DNMT3B: variants seen among roughly 807,000 people sequenced by gnomAD.
DNMT3B encodes DNA (cytosine-5)-methyltransferase 3B.
Under a neutral mutation model 120.2 loss-of-function variants are expected in DNMT3B, and 37 were observed. That is an observed-to-expected ratio of 0.31 (90% CI 0.24 to 0.40). The LOEUF is 0.40. Among genes scored for constraint, DNMT3B ranks in the 10% least tolerant of loss-of-function variants. The pLI is 1.00. For missense variants in DNMT3B, 878 were observed against 1,137.3 expected (o/e 0.77, Z 3.28); for synonymous variants, 412 against 442.8 (o/e 0.93, Z 0.87).
At chr20:32,798,995 C>A (rs1435741733) in intron 15 of DNMT3B, among the ~76,000 whole-genome samples, 2 of 152,196 alleles carry the variant, frequency 1.3e-5, no homozygotes, top group Admixed American at 6.5e-5. Context: ...TGGGGTGATA[C>A]CTTTTCATGT....
Position 32,808,189 on chromosome 20 carries a change from G to A in DNMT3B, c.*286G>A. The A allele has an allele frequency of 2.1e-6, 1 of 474,642 alleles. No homozygotes were observed. Among genetic ancestry groups the A allele is most frequent in the Non-Finnish European group, 3.8e-6 (1 of 262,804 alleles). 29.4% of individuals were successfully genotyped at this position (474,642 alleles called of 1,614,324 possible). On this transcript the variant is annotated 3_prime_UTR_variant, in exon 23 of 23. Transcript: ENST00000328111. Reference sequence around the variant, plus strand: ...TAAAACTTGAAGTAGGTAGCAACGTGGCTTTTTTTTTTTCCCTTCCTGGGT... The same window carrying A: ...TAAAACTTGAAGTAGGTAGCAACGTAGCTTTTTTTTTTTCCCTTCCTGGGT...
chr20:32,797,352 G>C lies in DNMT3B; in HGVS notation c.1490+53G>C, dbSNP rs45529835. The C allele has an allele frequency of 5.8e-3, 9,007 of 1,547,872 alleles. 477 individuals carry two copies. In the African/African-American group the frequency reaches 0.11, roughly 19 times the overall value. On this transcript the variant is annotated intron_variant, in intron 14 of 22. Coordinates refer to ENST00000328111, the MANE Select transcript of DNMT3B (RefSeq NM_006892.4). ...GTGGGTGGGCCCCCAAGGCTCCTAC[G>C]TTCCTGCAGTCTGCAGACAGCTGTC...
At chr20:32,806,015 G>A (rs965501357) in intron 21 of DNMT3B, among the ~76,000 whole-genome samples, 194 bp from the exon 22 acceptor site, 1 of 151,666 alleles carries the variant, frequency 6.6e-6, no homozygotes, top group Non-Finnish European at 1.5e-5. Context: ...TCTGCTTTTC[G>A]CTCCCTGCCC....
chr20:32,786,600 G>T lies in DNMT3B; in HGVS notation c.405G>T (p.Glu135Asp). Residue 135 changes from glutamate (E) to aspartate (D), a missense_variant, in exon 5 of 23, where the codon GAG (glutamate) becomes GAT (aspartate). Glu to Asp is a conservative substitution (Grantham distance 45). Coordinates refer to ENST00000328111, the MANE Select transcript of DNMT3B (RefSeq NM_006892.4). ...GGCAGGGCCGCAACCATGTGGACGA[G>T]TCCCCCGTGGAGTTCCCGGCTACCA... is the stretch of plus-strand genomic sequence containing the variant. ...RGRQGRNHVD[E>D]SPVEFPATRS... The T allele has an allele frequency of 6.2e-7, 1 of 1,613,976 alleles. No individual in the cohort carries two copies. Among genetic ancestry groups the T allele is most frequent in the African/African-American group, 1.3e-5 (1 of 75,086 alleles).
intron 1 of DNMT3B, among the ~76,000 whole-genome samples, chr20:32,773,934 GTTTTTTTTTT>G (rs1161730284): frequency 2.9e-5 from 2 of 69,152 alleles, no homozygotes; most frequent in Middle Eastern, 0.014. Context: ...CCCGGCAGTG[GTTTTTTTTTT>G]TTTTTTTTTT....
chr20:32,794,269 A>G (rs1980341959), intron 10 of DNMT3B, among the ~76,000 whole-genome samples: 1 of 143,584 alleles, frequency 7.0e-6, no homozygotes, highest in Non-Finnish European at 1.5e-5. Context: ...ACCTGAGCCC[A>G]GGAAGTCAGG....
intron 1 of DNMT3B, among the ~76,000 whole-genome samples, chr20:32,770,898 C>T (rs1212194528): frequency 6.6e-6 from 1 of 152,168 alleles, no homozygotes; most frequent in Non-Finnish European, 1.5e-5. Context: ...AGGCATGAGC[C>T]ACCATGCCCG....
At chr20:32,776,944 G>A (rs1601064920) in intron 1 of DNMT3B, among the ~76,000 whole-genome samples, 1 of 152,078 alleles carries the variant, frequency 6.6e-6, no homozygotes, top group South Asian at 2.1e-4. Flanking sequence ...AAGCGGGGTG[G>A]GGGAGGAACT....
intron 9 of DNMT3B, among the ~76,000 whole-genome samples, chr20:32,793,021 A>G (rs1475445533): frequency 6.6e-6 from 1 of 152,264 alleles, no homozygotes; most frequent in Non-Finnish European, 1.5e-5. Context: ...TGAAGTCAGG[A>G]TGCAGTGTTG....
At position 32,787,211 on chromosome 20, in the gene DNMT3B, T is replaced by C. The variant is rs765328710; in HGVS notation, c.433-19T>C. ...ACATCCTTTGCTCTGGCCCAAACTA[T>C]GTGTCCTTCTGTCCACAGTCCCTGA... On this transcript the variant is annotated intron_variant, in intron 5 of 22. Coordinates refer to ENST00000328111, the MANE Select transcript of DNMT3B (RefSeq NM_006892.4). 6.2e-7 allele frequency: 1 copy of C among 1,614,232 alleles called. No homozygotes were observed. Among genetic ancestry groups the C allele is most frequent in the South Asian group, 1.1e-5 (1 of 91,088 alleles).
intron 8 of DNMT3B, among the ~76,000 whole-genome samples, chr20:32,792,123 TC>T (rs1376659449): frequency 2.0e-5 from 3 of 152,080 alleles, no homozygotes; most frequent in African/African-American, 4.8e-5. Context: ...CTTGATTTTT[TC>T]CCCCCACCTT....
rs759523542 is a variant in DNMT3B, at chr20:32,784,735, G to A, written c.205-23G>A. 13 of 1,609,314 alleles carry A rather than the reference G, an allele frequency of 8.1e-6. No individual in the cohort carries two copies. In the Admixed American group the frequency reaches 2.2e-4, roughly 27 times the overall value. The stretch of plus-strand genomic sequence containing the variant: ...GCTGATACCCTGGGGTCTTCATCAT[G>A]TTCATCATGTTTCCTTATAAAGGAC... On this transcript the variant is annotated intron_variant, in intron 3 of 22. Coordinates refer to ENST00000328111, the MANE Select transcript of DNMT3B (RefSeq NM_006892.4).
chr20:32,780,584 G>A (rs1978491465), intron 2 of DNMT3B, 119 bp downstream of exon 2: 2 of 1,475,260 alleles, frequency 1.4e-6, no homozygotes, highest in South Asian at 1.3e-5. Context: ...CCCCGGGAGG[G>A]AAGAGAGCTC....
chr20:32,780,492 G>C lies in DNMT3B; in HGVS notation c.142+27G>C, dbSNP rs568228701. On this transcript the variant is annotated intron_variant, in intron 2 of 22. Transcript: ENST00000328111. ...TGGCTGGGCAGTGGGGACTGGGGTGGTGTCAGGCGCTGACATAGTGAGCGG... is the reference window on the plus strand; with the variant it reads ...TGGCTGGGCAGTGGGGACTGGGGTGCTGTCAGGCGCTGACATAGTGAGCGG... 375 of 1,608,396 alleles carry C rather than the reference G, an allele frequency of 2.3e-4. 1 individual carries two copies. The South Asian group carries it at 3.9e-3, about 17-fold the overall frequency.
chr20:32,801,245 T>C (rs1981303289), intron 18 of DNMT3B, 33 bp from the exon 19 acceptor site: 1 of 1,614,106 alleles, frequency 6.2e-7, no homozygotes, highest in South Asian at 1.1e-5. Flanking sequence ...AGGTTTCAAA[T>C]GAACCCTGCG....
chr20:32,804,956 C>T (rs1380304601), intron 20 of DNMT3B, among the ~76,000 whole-genome samples: 14 of 152,132 alleles, frequency 9.2e-5, no homozygotes, highest in Admixed American at 9.2e-4. Context: ...CCACAAAAAT[C>T]TATTCCAAGC....
At chr20:32,796,020 G>A (rs1980580196) in intron 12 of DNMT3B, among the ~76,000 whole-genome samples, 1 of 152,192 alleles carries the variant, frequency 6.6e-6, no homozygotes. Context: ...CAAGCTTTTA[G>A]TCACTTGCCT....
At chr20:32,799,738 G>A (rs992826814) in intron 16 of DNMT3B, among the ~76,000 whole-genome samples, 6 of 152,250 alleles carry the variant, frequency 3.9e-5, no homozygotes, top group Middle Eastern at 3.4e-3. Flanking sequence ...GGTTGGTCTC[G>A]AATTCCTGAC....
intron 20 of DNMT3B, among the ~76,000 whole-genome samples, chr20:32,803,617 G>C (rs75442078): frequency 6.6e-6 from 1 of 152,194 alleles, no homozygotes; most frequent in Non-Finnish European, 1.5e-5. Context: ...ACAATGATTT[G>C]GGGTTTATTG....
Sources: allele counts gnomAD v4.1 joint callset (sites outside exome capture counted in the v4.1 genomes callset), GRCh38; gene constraint gnomAD v4.1.1; transcripts MANE v1.5; gene names NCBI Gene and HGNC (gene_info 2026-07-23, HGNC 2026-07-21).